Variants in MBP observed in about 807,000 individuals in gnomAD.
MBP encodes the protein Golli-MBP.
A neutral mutation model predicts 35.8 loss-of-function variants in MBP; 16 were observed. That is an observed-to-expected ratio of 0.45 (90% CI 0.30 to 0.68). MBP has a LOEUF of 0.68. MBP is among the 30% of genes least tolerant of loss of function. The pLI is 0.08. For synonymous variants in MBP, 143 were observed against 159.6 expected (o/e 0.90, Z 0.78); for missense variants, 380 against 404.7 (o/e 0.94, Z 0.52).
intron 1 of MBP, among the ~76,000 whole-genome samples, chr18:77,130,046 C>CA (rs35240388): frequency 0.49 from 63,020 of 129,098 alleles, 15,714 homozygotes; most frequent in East Asian, 0.72. Context: ...AAGACTCTGT[C>CA]AAAAAAAAAA....
At chr18:77,039,385 A>T (rs1025850499) in intron 3 of MBP, among the ~76,000 whole-genome samples, 2 of 152,244 alleles carry the variant, frequency 1.3e-5, no homozygotes, top group Non-Finnish European at 2.9e-5. Flanking sequence ...CTCTAGGTGT[A>T]TGAAGCCAGG....
rs184705085 is a variant in MBP at position 77,009,699 on chromosome 18, C to G, written c.576+7133G>C. On this transcript the variant is annotated intron_variant, in intron 4 of 8. Transcript: ENST00000355994. ...CTGCTTTTCCCTGGGGGAGGCCTGCCTCCCTGCTTTCACGGCCTCACAGAT... is the reference window on the plus strand; with the variant it reads ...CTGCTTTTCCCTGGGGGAGGCCTGCGTCCCTGCTTTCACGGCCTCACAGAT... 3.8e-3 allele frequency: 2,591 copies of G among 683,282 alleles called. 11 individuals carry two copies. The highest frequency in any genetic ancestry group is 4.9e-3 in the Non-Finnish European group (1,985 of 405,274). 42.3% of individuals were successfully genotyped at this position (683,282 alleles called of 1,614,324 possible).
At chr18:76,987,605 A>G (rs1969629820) in intron 7 of MBP, 5 of 985,244 alleles carry the variant, frequency 5.1e-6, no homozygotes, top group Admixed American at 6.2e-5. Context: ...ATTCATTTAT[A>G]TGATGCTTAT....
At chr18:77,059,160 AG>A (rs1973864208) in intron 3 of MBP, among the ~76,000 whole-genome samples, 1 of 152,264 alleles carries the variant, frequency 6.6e-6, no homozygotes, top group African/African-American at 2.4e-5. Flanking sequence ...TGCCAACTGT[AG>A]CATGGTTTCT....
At chr18:77,018,510 TATCC>T (rs1474831612) in intron 3 of MBP, among the ~76,000 whole-genome samples, 7 of 143,848 alleles carry the variant, frequency 4.9e-5, no homozygotes, top group African/African-American at 1.9e-4. Flanking sequence ...TCCATCCATC[TATCC>T]ATCCATCCAT....
At chr18:77,125,963 C>A (rs1977035382) in intron 1 of MBP, among the ~76,000 whole-genome samples, 1 of 151,566 alleles carries the variant, frequency 6.6e-6, no homozygotes, top group Admixed American at 6.6e-5. Flanking sequence ...CCCAGGCCCA[C>A]ATGGTTTCAC....
intron 2 of MBP, among the ~76,000 whole-genome samples, chr18:77,098,365 A>G (rs867214992): frequency 2.6e-5 from 4 of 151,862 alleles, no homozygotes; most frequent in Admixed American, 1.3e-4. Context: ...AGATCACCCA[A>G]CTAGCTGGTG....
chr18:77,107,385 C>T (rs984219377), intron 1 of MBP, among the ~76,000 whole-genome samples: 1 of 152,196 alleles, frequency 6.6e-6, no homozygotes, highest in African/African-American at 2.4e-5. Flanking sequence ...TGCCCAGTCC[C>T]CTTCCTGTTC....
intron 2 of MBP, among the ~76,000 whole-genome samples, chr18:77,080,165 CAT>C (rs1367030407): frequency 1.3e-5 from 2 of 152,144 alleles, no homozygotes; most frequent in African/African-American, 4.8e-5. Flanking sequence ...AAAAAAAAAT[CAT>C]AGTTTTATTC....
At chr18:77,079,219 C>T (rs1974787504) in intron 2 of MBP, among the ~76,000 whole-genome samples, 1 of 152,168 alleles carries the variant, frequency 6.6e-6, no homozygotes, top group Non-Finnish European at 1.5e-5. Context: ...GAGGACATCA[C>T]CCAAGAGCAG....
At chr18:76,990,352 G>A (rs1969826659) in intron 4 of MBP, among the ~76,000 whole-genome samples, 8 of 152,080 alleles carry the variant, frequency 5.3e-5, no homozygotes, top group Admixed American at 5.2e-4. Flanking sequence ...GTGGGATGGT[G>A]TGCATTGCTC....
chr18:76,980,508 C>T (rs995705170), intron 8 of MBP, 37 bp from the exon 9 acceptor site: 12 of 1,550,830 alleles, frequency 7.7e-6, no homozygotes, highest in African/African-American at 4.1e-5. Context: ...ACGAGAGTGC[C>T]GCAGGGTCCT....
intron 2 of MBP, among the ~76,000 whole-genome samples, chr18:77,077,178 T>C (rs1490076125): frequency 6.6e-6 from 1 of 151,622 alleles, no homozygotes; most frequent in Non-Finnish European, 1.5e-5. Flanking sequence ...CTGGCCAACA[T>C]GGTGAAACCC....
Position 77,071,351 on chromosome 18 carries a change from A to ATCCCTTAAAAAATGCTGCATT in MBP, c.52-4987_52-4967dup, listed in dbSNP as rs527867787. Among the ~76,000 whole-genome samples, 1,029 of 152,254 alleles carry ATCCCTTAAAAAATGCTGCATT rather than the reference A, an allele frequency of 6.8e-3. 10 individuals carry two copies. Among genetic ancestry groups the ATCCCTTAAAAAATGCTGCATT allele is most frequent in the Non-Finnish European group, 0.011 (774 of 67,996 alleles). On this transcript the variant is annotated intron_variant, in intron 2 of 8. Transcript: ENST00000355994. ...AAGAGTTGATTTTGAGAATTTTTCA[A>ATCCCTTAAAAAATGCTGCATT]TCCCTTAAAAAATGCTGCATTTCCC... is the stretch of plus-strand genomic sequence containing the variant.
At chr18:77,089,241 C>G (rs1975403145) in intron 2 of MBP, among the ~76,000 whole-genome samples, 1 of 152,234 alleles carries the variant, frequency 6.6e-6, no homozygotes, top group Non-Finnish European at 1.5e-5. Flanking sequence ...CAGGCCCTGT[C>G]TCCCTCCCTC....
intron 3 of MBP, among the ~76,000 whole-genome samples, chr18:77,028,578 C>T (rs1352157087): frequency 6.1e-5 from 5 of 82,194 alleles, no homozygotes; most frequent in Non-Finnish European, 9.3e-5. Flanking sequence ...CGGGCAGAGG[C>T]GCCCCTCACC....
At chr18:76,991,164 C>T (rs957613044) in intron 4 of MBP, among the ~76,000 whole-genome samples, 3 of 152,102 alleles carry the variant, frequency 2.0e-5, no homozygotes, top group Admixed American at 6.5e-5. Context: ...AAGTGTCTCA[C>T]GCCACACTGA....
intron 1 of MBP, among the ~76,000 whole-genome samples, chr18:77,120,185 G>A (rs886916519): frequency 6.6e-6 from 1 of 152,234 alleles, no homozygotes; most frequent in African/African-American, 2.4e-5. Flanking sequence ...AATCCATTAC[G>A]GGTCTCAAAG....
rs6146398 is a variant in MBP, at chr18:77,112,169, G to GCACACACACACACACACACA, written c.-25-6903_-25-6884dup. Reference sequence around the variant, plus strand: ...CCCGTAGAATGAACACCGTGCACACGCACACACACACACACACACACGTGC... The same window carrying GCACACACACACACACACACA: ...CCCGTAGAATGAACACCGTGCACACGCACACACACACACACACACACACACACACACACACACACACGTGC... On this transcript the variant is annotated intron_variant, in intron 1 of 8. Coordinates refer to ENST00000355994, the MANE Select transcript of MBP (RefSeq NM_001025101.2). Among the ~76,000 whole-genome samples the GCACACACACACACACACACA allele has an allele frequency of 9.4e-3, 1,415 of 150,956 alleles. 23 individuals are homozygous for GCACACACACACACACACACA. Among genetic ancestry groups the GCACACACACACACACACACA allele is most frequent in the African/African-American group, 0.024 (985 of 41,068 alleles).
Sources: allele counts gnomAD v4.1 joint callset (sites outside exome capture counted in the v4.1 genomes callset), GRCh38; gene constraint gnomAD v4.1.1; transcripts MANE v1.5; gene names NCBI Gene and HGNC (gene_info 2026-07-23, HGNC 2026-07-21).